The following KLHDC10 variants were observed in gnomAD, a reference collection of about 807,000 sequenced individuals.
The protein encoded by KLHDC10 is kelch domain-containing protein 10.
Under a neutral mutation model 56.1 loss-of-function variants are expected in KLHDC10, and 24 were observed. That is an observed-to-expected ratio of 0.43 (90% CI 0.31 to 0.60). KLHDC10 has a LOEUF of 0.60. KLHDC10 is among the 20% of genes least tolerant of loss of function. The pLI is 0.11. For synonymous variants in KLHDC10, 188 were observed against 207.1 expected, an observed-to-expected ratio of 0.91 and a Z score of 0.79; for missense variants, 349 against 567.0, an observed-to-expected ratio of 0.62 and a Z score of 3.91.
intron 1 of KLHDC10, among the ~76,000 whole-genome samples, chr7:130,088,932 C>T (rs1353180247): frequency 6.6e-6 from 1 of 152,044 alleles, no homozygotes; most frequent in Non-Finnish European, 1.5e-5. Flanking sequence ...CGCCCCTGGC[C>T]TCAATTTATT....
intron 8 of KLHDC10, among the ~76,000 whole-genome samples, chr7:130,129,036 A>C (rs1796359970): frequency 6.6e-6 from 1 of 151,642 alleles, no homozygotes; most frequent in East Asian, 1.9e-4. Context: ...AGTCTGTTAT[A>C]GGACCGAACA....
At chr7:130,111,135 C>A (rs1235609280) in intron 2 of KLHDC10, among the ~76,000 whole-genome samples, 3 of 151,926 alleles carry the variant, frequency 2.0e-5, no homozygotes, top group African/African-American at 7.3e-5. Context: ...GGGACAGTAG[C>A]CTGTTTATTT....
intron 2 of KLHDC10, among the ~76,000 whole-genome samples, chr7:130,098,230 T>C (rs1199719677): frequency 6.6e-6 from 1 of 152,252 alleles, no homozygotes; most frequent in Admixed American, 6.5e-5. Context: ...GGGTGGCTCA[T>C]ACCTGTAATC....
chr7:130,079,860 T>C, intron 1 of KLHDC10, among the ~76,000 whole-genome samples: 1 of 123,360 alleles, frequency 8.1e-6, no homozygotes. Flanking sequence ...TTCCCTCCCT[T>C]CCTCCCTTTC....
At chr7:130,090,456 C>G (rs1795755252) in intron 1 of KLHDC10, among the ~76,000 whole-genome samples, 1 of 151,820 alleles carries the variant, frequency 6.6e-6, no homozygotes, top group Admixed American at 6.6e-5. Flanking sequence ...GGTGTGGTGG[C>G]ACATACCTGT....
intron 1 of KLHDC10, among the ~76,000 whole-genome samples, chr7:130,074,031 T>C (rs1049761834): frequency 7.2e-5 from 11 of 152,204 alleles, no homozygotes; most frequent in African/African-American, 2.7e-4. Context: ...AACCTTTTTA[T>C]TGCTCTTAGG....
chr7:130,132,181 A>T lies in KLHDC10; in HGVS notation c.*1435A>T, dbSNP rs1360786778. 1 of 152,188 alleles carries T rather than the reference A, an allele frequency of 6.6e-6. No individual in the cohort carries two copies. The highest frequency in any genetic ancestry group is 2.4e-5 in the African/African-American group (1 of 41,446). The allele number at this position is 152,188 out of a possible 1,614,324, so 9.4% of individuals were successfully genotyped here. A position where few individuals can be genotyped will look rare whatever the true frequency, so the allele number is the denominator to read the frequency against. On this transcript the variant is annotated 3_prime_UTR_variant, in exon 10 of 10. Transcript: ENST00000335420. ...CATGTGTAAGCCGCAGGTGTACTCA[A>T]GGTGCTGAAGGCGTGCAAGGGGCAG...
At chr7:130,126,323 G>T (rs1263187873) in intron 7 of KLHDC10, among the ~76,000 whole-genome samples, 1 of 151,934 alleles carries the variant, frequency 6.6e-6, no homozygotes, top group Non-Finnish European at 1.5e-5. Context: ...ATCTCAAAAA[G>T]AAAGAAAAAT....
intron 1 of KLHDC10, among the ~76,000 whole-genome samples, chr7:130,096,406 T>A (rs1454404405): frequency 3.3e-5 from 5 of 152,178 alleles, no homozygotes; most frequent in African/African-American, 4.8e-5. Flanking sequence ...TTTGTTTAAT[T>A]TGGTTGCTGT....
At chr7:130,106,693 G>T (rs1209504586) in intron 2 of KLHDC10, among the ~76,000 whole-genome samples, 2 of 152,160 alleles carry the variant, frequency 1.3e-5, no homozygotes, top group Non-Finnish European at 2.9e-5. Context: ...TACAAACTTT[G>T]TGTTGGGCGC....
Position 130,082,187 on chromosome 7 carries a change from G to A in KLHDC10, c.166+11378G>A, listed in dbSNP as rs115726907. Among the ~76,000 whole-genome samples the A allele has an allele frequency of 3.7e-3, 556 of 152,264 alleles. 4 individuals carry two copies. The highest frequency in any genetic ancestry group is 0.013 in the African/African-American group (547 of 41,564). On this transcript the variant is annotated intron_variant, in intron 1 of 9. Coordinates refer to ENST00000335420, the MANE Select transcript of KLHDC10 (RefSeq NM_014997.4). ...ATATTAGCCAGCTGTGGGGGCACAT[G>A]CCTGTAATCCCAGCTAATCCCAGCT...
At chr7:130,101,705 T>G (rs1267968711) in intron 2 of KLHDC10, among the ~76,000 whole-genome samples, 1 of 152,106 alleles carries the variant, frequency 6.6e-6, no homozygotes, top group Non-Finnish European at 1.5e-5. Context: ...GTGCGGCGGC[T>G]CACACCTGTA....
rs1796462912 is a variant in KLHDC10, at chr7:130,135,547, A to G, written c.*4801A>G. ...TTTTGCAGTCTGGTGTGCATGCCATATGATCAGGACAGCTTTTCCACTTTA... is the reference window on the plus strand; with the variant it reads ...TTTTGCAGTCTGGTGTGCATGCCATGTGATCAGGACAGCTTTTCCACTTTA... On this transcript the variant is annotated 3_prime_UTR_variant, in exon 10 of 10. Coordinates refer to ENST00000335420, the MANE Select transcript of KLHDC10 (RefSeq NM_014997.4). The G allele has an allele frequency of 6.5e-6, 1 of 154,404 alleles. No individual in the cohort carries two copies. Among genetic ancestry groups the G allele is most frequent in the Non-Finnish European group, 1.5e-5 (1 of 68,224 alleles). 9.6% of individuals were successfully genotyped at this position (154,404 alleles called of 1,614,324 possible). A position where few individuals can be genotyped will look rare whatever the true frequency, so the allele number is the denominator to read the frequency against.
intron 2 of KLHDC10, among the ~76,000 whole-genome samples, chr7:130,111,714 C>G (rs1458608876): frequency 6.6e-6 from 1 of 151,852 alleles, no homozygotes; most frequent in Non-Finnish European, 1.5e-5. Flanking sequence ...GAGTAAGACC[C>G]TGTCTCAAAG....
Position 130,134,734 on chromosome 7 carries a change from T to C in KLHDC10, c.*3988T>C, listed in dbSNP as rs78771330. On this transcript the variant is annotated 3_prime_UTR_variant, in exon 10 of 10. Transcript: ENST00000335420. ...TAGCACAAAAAGCTATTTTCCTTTATTTTTTGTATTATTTTTTATTTTTCT... is the reference window on the plus strand; with the variant it reads ...TAGCACAAAAAGCTATTTTCCTTTACTTTTTGTATTATTTTTTATTTTTCT... 8 of 152,342 alleles carry C rather than the reference T, an allele frequency of 5.3e-5. No individual in the cohort carries two copies. In the East Asian group the frequency reaches 1.3e-3, roughly 26 times the overall value. The allele number at this position is 152,342 out of a possible 1,614,324, so 9.4% of individuals were successfully genotyped here. A position where few individuals can be genotyped will look rare whatever the true frequency, so the allele number is the denominator to read the frequency against.
In KLHDC10 at chr7:130,134,548, T is replaced by C. The variant is rs546634936; in HGVS notation, c.*3802T>C. ...AATCTTGCAAGAGCTATGGCTCTTC[T>C]ATTTTCCAATCACACAGCTTGGCAT... On this transcript the variant is annotated 3_prime_UTR_variant, in exon 10 of 10. Coordinates refer to ENST00000335420, the MANE Select transcript of KLHDC10 (RefSeq NM_014997.4). 6.6e-6 allele frequency: 1 copy of C among 152,204 alleles called. No homozygotes were observed. Among genetic ancestry groups the C allele is most frequent in the Non-Finnish European group, 1.5e-5 (1 of 68,040 alleles). 9.4% of individuals were successfully genotyped at this position (152,204 alleles called of 1,614,324 possible). A position where few individuals can be genotyped will look rare whatever the true frequency, so the allele number is the denominator to read the frequency against.
At chr7:130,100,296 C>T (rs1156288649) in intron 2 of KLHDC10, among the ~76,000 whole-genome samples, 1 of 152,122 alleles carries the variant, frequency 6.6e-6, no homozygotes, top group Admixed American at 6.5e-5. Flanking sequence ...GCAGGCCTCT[C>T]CCCTCTTTGT....
chr7:130,095,784 T>C (rs1426347557), intron 1 of KLHDC10, among the ~76,000 whole-genome samples: 1 of 152,168 alleles, frequency 6.6e-6, no homozygotes, highest in East Asian at 1.9e-4. Flanking sequence ...GGATAAAATA[T>C]GGTGTAGTGG....
At chr7:130,107,321 A>C (rs1796021806) in intron 2 of KLHDC10, among the ~76,000 whole-genome samples, 1 of 152,202 alleles carries the variant, frequency 6.6e-6, no homozygotes, top group Non-Finnish European at 1.5e-5. Flanking sequence ...GGCATTAATA[A>C]CAGATGATCT....
Sources: allele counts gnomAD v4.1 joint callset (sites outside exome capture counted in the v4.1 genomes callset), GRCh38; gene constraint gnomAD v4.1.1; transcripts MANE v1.5; gene names NCBI Gene and HGNC (gene_info 2026-07-23, HGNC 2026-07-21).